PCM1: variants seen among roughly 807,000 people sequenced by gnomAD.
PCM1 encodes the protein pericentriolar material 1 protein.
A neutral mutation model predicts 241.9 loss-of-function variants in PCM1; 157 were observed. The observed-to-expected ratio is 0.65, with a 90% CI of 0.57 to 0.74. PCM1 has a LOEUF of 0.74. PCM1 is among the 30% of genes least tolerant of loss of function. The pLI, the probability that PCM1 is intolerant of heterozygous loss-of-function variation, is 0.00. For missense variants in PCM1, 3,478 were observed against 2,360.1 expected (o/e 1.47, Z -9.81); for synonymous variants, 1,085 against 784.9 (o/e 1.38, Z -6.39).
Position 18,025,597 on chromosome 8 carries a change from T to A in PCM1, c.5988T>A (p.Gly1996=). The change falls in exon 38 of 39, where the codon GGT becomes GGA. Residue 1996 remains glycine, a synonymous_variant. Coordinates refer to ENST00000325083, the MANE Select transcript of PCM1 (RefSeq NM_006197.4). ...AAGAACAGAAAAACCATTTATCTGG[T>A]GAAATATGTGAAATGCAGACCGAAG... The part of the protein sequence containing the change: ...VEEEQKNHLS[G]EICEMQTEEL... 1 of 1,583,830 alleles carries A rather than the reference T, an allele frequency of 6.3e-7. No individual in the cohort carries two copies. Among genetic ancestry groups the A allele is most frequent in the Admixed American group, 1.8e-5 (1 of 55,502 alleles).
Position 17,972,332 on chromosome 8 carries a change from TA to T in PCM1, c.3594del (p.Lys1198AsnfsTer22). The T allele has an allele frequency of 6.7e-7, 1 of 1,491,182 alleles. No homozygotes were observed. The highest frequency in any genetic ancestry group is 2.4e-5 in the Admixed American group (1 of 41,768). The allele number at this position is 1,491,182 out of a possible 1,614,324, so 92.4% of individuals were successfully genotyped here. A position where few individuals can be genotyped will look rare whatever the true frequency, so the allele number is the denominator to read the frequency against. Reference sequence around the variant, plus strand: ...AAAACTTGTTTTCATTGGTAAGGAATAAAAAACTGCCTGAAGAGGAGGTGGA... The same window carrying T: ...AAAACTTGTTTTCATTGGTAAGGAATAAAAACTGCCTGAAGAGGAGGTGGA... ...SSIGAEKPRN[K>X]KLPEEEVESS... On this transcript the variant is annotated frameshift_variant, in exon 23 of 39. Coordinates refer to ENST00000325083, the MANE Select transcript of PCM1 (RefSeq NM_006197.4). LOFTEE classifies it high-confidence loss of function.
At chr8:17,953,577 A>T (rs986568668) in intron 9 of PCM1, among the ~76,000 whole-genome samples, 73 of 152,176 alleles carry the variant, frequency 4.8e-4, no homozygotes, top group East Asian at 1.9e-4. Flanking sequence ...TGTGAAACAT[A>T]GTGTGTATTA....
intron 36 of PCM1, among the ~76,000 whole-genome samples, chr8:18,016,221 G>T (rs187126755): frequency 6.6e-6 from 1 of 152,094 alleles, no homozygotes; most frequent in Non-Finnish European, 1.5e-5. Context: ...TCCAGAGGTC[G>T]AACTAGATGT....
intron 36 of PCM1, among the ~76,000 whole-genome samples, chr8:18,019,764 C>A (rs559274152): frequency 1.8e-4 from 28 of 152,322 alleles, no homozygotes; most frequent in African/African-American, 5.8e-4. Context: ...TGGCTCCCCC[C>A]ACCACTCACC....
At chr8:17,944,919 A>G (rs1252799225) in intron 6 of PCM1, among the ~76,000 whole-genome samples, 1 of 152,200 alleles carries the variant, frequency 6.6e-6, no homozygotes, top group Non-Finnish European at 1.5e-5. Flanking sequence ...TGATTAGGTT[A>G]TCACAGTTTT....
chr8:17,984,519 A>G (rs763629034), intron 24 of PCM1, among the ~76,000 whole-genome samples: 41 of 151,872 alleles, frequency 2.7e-4, no homozygotes, highest in Non-Finnish European at 4.4e-4. Flanking sequence ...TTGATATCTT[A>G]TATTAGTAAT....
rs377370109 is a variant in PCM1 at position 17,957,546 on chromosome 8, G to A, written c.1811G>A (p.Arg604Gln). The stretch of plus-strand genomic sequence containing the variant: ...TTATACATGTTTTCAGCAGATTGTC[G>A]ATATAATAGAGAAGGGGAACAGGAG... ...ALNMPPSLDCRYNREGEQEIH... is the reference protein window; with the variant it reads ...ALNMPPSLDCQYNREGEQEIH... The change falls in exon 13 of 39, where the codon CGA becomes CAA. Residue 604 changes from arginine to glutamine, a missense_variant. Arg to Gln is a conservative substitution (Grantham distance 43). Transcript: ENST00000325083. 28 of 1,583,664 alleles carry A rather than the reference G, an allele frequency of 1.8e-5. No homozygotes were observed. The African/African-American group carries it at 3.1e-4, about 18-fold the overall frequency.
intron 36 of PCM1, among the ~76,000 whole-genome samples, chr8:18,020,753 A>T (rs1442588661): frequency 1.3e-5 from 2 of 152,234 alleles, no homozygotes; most frequent in African/African-American, 4.8e-5. Flanking sequence ...GTGATCTAAG[A>T]CTTAACCATA....
rs998913813 is a variant in PCM1, at chr8:17,960,037, T to C, written c.2064T>C (p.Val688=). The C allele has an allele frequency of 2.5e-6, 4 of 1,612,776 alleles. No homozygotes were observed. Among genetic ancestry groups the C allele is most frequent in the African/African-American group, 2.7e-5 (2 of 75,002 alleles). ...AGGATGATGATGCAGCTCAAGGAGT[T>C]ATCTCTGCCAGTGCATCAAATTTGG... The part of the protein sequence containing the change: ...MVQDDDAAQG[V]ISASASNLDD... The change falls in exon 14 of 39, where the codon GTT becomes GTC. Residue 688 remains valine, a synonymous_variant. Coordinates refer to ENST00000325083, the MANE Select transcript of PCM1 (RefSeq NM_006197.4).
rs1443238282 is a variant in PCM1 at position 17,961,501 on chromosome 8, C to T, written c.2323-533C>T. On this transcript the variant is annotated intron_variant, in intron 15 of 38. Transcript: ENST00000325083. ...AATTTTTTTGTATTTTTAGTAGAGACGGGGTTTCACCGTGTTAGCCAAGAT... is the reference window on the plus strand; with the variant it reads ...AATTTTTTTGTATTTTTAGTAGAGATGGGGTTTCACCGTGTTAGCCAAGAT... 5.9e-5 allele frequency among the ~76,000 whole-genome samples: 9 copies of T among 151,930 alleles called. No homozygotes were observed. The South Asian group carries it at 1.7e-3, about 28-fold the overall frequency.
chr8:17,930,143 G>T (rs891241944), intron 2 of PCM1, among the ~76,000 whole-genome samples: 1 of 126,214 alleles, frequency 7.9e-6, no homozygotes, highest in Admixed American at 9.6e-5. Flanking sequence ...TCGCTCTTCC[G>T]CCCAGGCCGG....
At chr8:17,955,708 GT>G (rs75667844) in intron 10 of PCM1, 55 bp downstream of exon 10, 28,595 of 1,060,966 alleles carry the variant, frequency 0.027, 197 homozygotes, top group South Asian at 0.058. Flanking sequence ...GATAAATTCT[GT>G]TTTTTTTTTT....
At chr8:17,957,133 CAATTTG>C (rs2068909304) in intron 11 of PCM1, 125 bp from the exon 12 acceptor site, 1 of 666,668 alleles carries the variant, frequency 1.5e-6, no homozygotes, top group Non-Finnish European at 2.5e-6. Context: ...GTCGATTATT[CAATTTG>C]AATTTAAATG....
chr8:17,945,762 A>C (rs552247634), intron 6 of PCM1, among the ~76,000 whole-genome samples: 67 of 152,302 alleles, frequency 4.4e-4, no homozygotes, highest in Non-Finnish European at 7.9e-4. Context: ...TGGGAATCAA[A>C]TGTACATAGC....
chr8:17,958,799 G>T (rs1018089241), intron 13 of PCM1, among the ~76,000 whole-genome samples: 12 of 152,102 alleles, frequency 7.9e-5, no homozygotes, highest in African/African-American at 2.9e-4. Context: ...TTGGCTCACT[G>T]CAAGCTCCAT....
intron 9 of PCM1, among the ~76,000 whole-genome samples, chr8:17,954,130 T>C (rs2067116332): frequency 6.6e-6 from 1 of 152,190 alleles, no homozygotes; most frequent in Admixed American, 6.5e-5. Flanking sequence ...AACACATGAA[T>C]ACAACTAAGA....
chr8:17,991,993 G>A (rs1312870727), intron 28 of PCM1, among the ~76,000 whole-genome samples: 4 of 152,088 alleles, frequency 2.6e-5, no homozygotes, highest in African/African-American at 9.7e-5. Context: ...TTAGATTAAC[G>A]GTCTCCAACT....
rs755973262 is a variant in PCM1 at position 17,969,632 on chromosome 8, C to G, written c.3468C>G (p.Ile1156Met). 3.1e-6 allele frequency: 5 copies of G among 1,612,504 alleles called. No homozygotes were observed. The Admixed American group carries it at 6.7e-5, about 22-fold the overall frequency. The change falls in exon 22 of 39, where the codon ATC becomes ATG. Residue 1156 changes from isoleucine to methionine, a missense_variant. Transcript: ENST00000325083. ...ATTTTGGAGATTTTTCTCAGAATAT[C>G]TCTACACCCAGTGAACAGCAGCAAC... is the stretch of plus-strand genomic sequence containing the variant. Reference protein sequence around the residue: ...PSNFGDFSQNISTPSEQQQPL... With the variant: ...PSNFGDFSQNMSTPSEQQQPL...
intron 7 of PCM1, among the ~76,000 whole-genome samples, chr8:17,949,319 C>G (rs208761): frequency 0.073 from 11,027 of 151,820 alleles, 574 homozygotes; most frequent in African/African-American, 0.14. Flanking sequence ...AAGAGTGTCC[C>G]TTTCACCATT....
Sources: gnomAD v4.1 joint callset for allele counts (sites outside exome capture counted in the v4.1 genomes callset) on GRCh38, gnomAD v4.1.1 for gene constraint, MANE v1.5 for transcripts, NCBI Gene and HGNC (gene_info 2026-07-23, HGNC 2026-07-21) for gene names.